The following RBFOX2 variants were observed in gnomAD, a reference collection of about 807,000 sequenced individuals.
The protein encoded by RBFOX2 is RNA binding protein fox-1 homolog 2.
RBFOX2 carries 10 observed loss-of-function variants against 49.1 expected under a neutral mutation model. The observed-to-expected ratio is 0.20, with a 90% CI of 0.13 to 0.35. The LOEUF (loss-of-function observed/expected upper bound fraction) is 0.35. RBFOX2 is among the 10% of genes least tolerant of loss of function. The pLI is 1.00. For synonymous variants in RBFOX2, 183 were observed against 187.4 expected, an observed-to-expected ratio of 0.98 and a Z score of 0.19; for missense variants, 323 against 486.9, an observed-to-expected ratio of 0.66 and a Z score of 3.17.
chr22:35,838,310 T>G (rs1243689638), intron 1 of RBFOX2, among the ~76,000 whole-genome samples: 2 of 151,770 alleles, frequency 1.3e-5, no homozygotes, highest in East Asian at 3.8e-4. Flanking sequence ...AAGAGGTGAT[T>G]TATTATATGG....
chr22:35,939,019 T>G, upstream of RBFOX2: 1 of 923,344 alleles, frequency 1.1e-6, no homozygotes, highest in South Asian at 1.4e-5. Flanking sequence ...TTCCATTAAC[T>G]GTATTCCACC....
intron 1 of RBFOX2, among the ~76,000 whole-genome samples, chr22:35,925,747 G>A (rs967552659): frequency 6.6e-6 from 1 of 152,202 alleles, no homozygotes; most frequent in East Asian, 1.9e-4. Context: ...AGTGTGGCTT[G>A]AACAGAGTAC....
intron 1 of RBFOX2, among the ~76,000 whole-genome samples, chr22:35,831,351 T>G (rs2099310897): frequency 6.6e-6 from 1 of 151,958 alleles, no homozygotes; most frequent in Non-Finnish European, 1.5e-5. Flanking sequence ...GAGAATGGCG[T>G]GAACCCAGGA....
At chr22:35,979,189 T>C (rs150726941) in intron 1 of RBFOX2, among the ~76,000 whole-genome samples, 3 of 152,158 alleles carry the variant, frequency 2.0e-5, no homozygotes, top group African/African-American at 7.2e-5. Flanking sequence ...TGGACCCAGA[T>C]CTAGACTCTT....
intron 1 of RBFOX2, among the ~76,000 whole-genome samples, chr22:35,833,059 T>C (rs1957081317): frequency 6.6e-6 from 1 of 152,188 alleles, no homozygotes; most frequent in Non-Finnish European, 1.5e-5. Context: ...ACCCCATAAA[T>C]ATGTATAATT....
Position 35,876,701 on chromosome 22 carries a change from A to AACACACACAC in RBFOX2, c.-34+62136_-34+62145dup, listed in dbSNP as rs142455818. The stretch of plus-strand genomic sequence containing the variant: ...CTGATCACATTCTCCCATTAAAAGA[A>AACACACACAC]ACACACACACACACACACACACACA... On this transcript the variant is annotated intron_variant, in intron 1 of 13. Coordinates refer to the RBFOX2 transcript ENST00000359369. Among the ~76,000 whole-genome samples, 848 of 140,542 alleles carry AACACACACAC rather than the reference A, an allele frequency of 6.0e-3. 1 individual carries two copies. The highest frequency in any genetic ancestry group is 0.011 in the Middle Eastern group (3 of 270). 92.2% of individuals were successfully genotyped at this position (140,542 alleles called of 152,430 possible). A position where few individuals can be genotyped will look rare whatever the true frequency, so the allele number is the denominator to read the frequency against.
chr22:36,024,994 A>G (rs2059377901), intron 1 of RBFOX2, among the ~76,000 whole-genome samples: 1 of 151,734 alleles, frequency 6.6e-6, no homozygotes, highest in African/African-American at 2.4e-5. Flanking sequence ...TTTTTAGTAG[A>G]GACGGGTTTC....
chr22:35,830,916 C>A (rs1041409061), intron 1 of RBFOX2, among the ~76,000 whole-genome samples: 9 of 152,044 alleles, frequency 5.9e-5, no homozygotes, highest in Non-Finnish European at 1.3e-4. Flanking sequence ...AATAAGAGAG[C>A]AAATCAGGGG....
chr22:35,952,585 G>C (rs1044664508), intron 1 of RBFOX2, among the ~76,000 whole-genome samples: 1 of 152,154 alleles, frequency 6.6e-6, no homozygotes, highest in African/African-American at 2.4e-5. Context: ...TAGTGCTGAA[G>C]TGATGCTAAA....
At chr22:35,824,711 T>C (rs955386434) in intron 1 of RBFOX2, among the ~76,000 whole-genome samples, 1 of 152,288 alleles carries the variant, frequency 6.6e-6, no homozygotes, top group Non-Finnish European at 1.5e-5. Context: ...AAACAAGCCA[T>C]CCATATTTTA....
intron 1 of RBFOX2, among the ~76,000 whole-genome samples, chr22:35,817,949 A>AACACAC (rs71322983): frequency 1.6e-3 from 232 of 143,562 alleles, no homozygotes; most frequent in African/African-American, 5.4e-3. Flanking sequence ...ATCACTTGTC[A>AACACAC]ACACACACAC....
chr22:35,929,097 C>T (rs572912909), intron 1 of RBFOX2, among the ~76,000 whole-genome samples: 5 of 152,038 alleles, frequency 3.3e-5, no homozygotes, highest in East Asian at 3.9e-4. Flanking sequence ...CCAGCATTGG[C>T]GACCTCATTT....
At chr22:35,932,606 C>T (rs948901166) in intron 1 of RBFOX2, among the ~76,000 whole-genome samples, 2 of 152,130 alleles carry the variant, frequency 1.3e-5, no homozygotes, top group Non-Finnish European at 2.9e-5. Flanking sequence ...ATGGGCCCCG[C>T]GTGGTGGTTC....
chr22:35,980,289 G>C (rs565483573), intron 1 of RBFOX2, among the ~76,000 whole-genome samples: 3 of 152,162 alleles, frequency 2.0e-5, no homozygotes, highest in Non-Finnish European at 1.5e-5. Context: ...AGTATATTTG[G>C]GGATCTCCAA....
intron 1 of RBFOX2, chr22:35,993,662 G>A (rs1159345648): frequency 1.3e-5 from 2 of 152,128 alleles, no homozygotes; most frequent in Non-Finnish European, 2.9e-5. Context: ...TAAGTGTAGG[G>A]CTAATTTGTT....
At chr22:35,821,777 TACTC>T (rs1316816948) in intron 1 of RBFOX2, 1 of 518,666 alleles carries the variant, frequency 1.9e-6, no homozygotes, top group Non-Finnish European at 3.8e-6. Context: ...TGGCAACACA[TACTC>T]AGTACACACC....
At chr22:35,789,792 T>C (rs1018314399) in intron 2 of RBFOX2, among the ~76,000 whole-genome samples, 17 of 152,164 alleles carry the variant, frequency 1.1e-4, no homozygotes, top group African/African-American at 4.1e-4. Flanking sequence ...GTTGTTGTTT[T>C]GGTTTCTTTT....
At chr22:35,763,745 G>A (rs938235698) in intron 6 of RBFOX2, among the ~76,000 whole-genome samples, 5 of 152,116 alleles carry the variant, frequency 3.3e-5, no homozygotes, top group Non-Finnish European at 7.4e-5. Context: ...ATACTTTTCT[G>A]GGTCTCATTT....
At chr22:35,988,702 T>C (rs181052230) in intron 1 of RBFOX2, among the ~76,000 whole-genome samples, 44 of 152,246 alleles carry the variant, frequency 2.9e-4, no homozygotes, top group African/African-American at 1.0e-3. Flanking sequence ...TTAGTGGGAC[T>C]AAAGGACAGT....
Sources: gnomAD v4.1 joint callset for allele counts (sites outside exome capture counted in the v4.1 genomes callset) on GRCh38, gnomAD v4.1.1 for gene constraint, MANE v1.5 for transcripts, NCBI Gene and HGNC (gene_info 2026-07-23, HGNC 2026-07-21) for gene names.